The following INSL6 variants were observed in gnomAD, a reference collection of about 807,000 sequenced individuals.
The protein encoded by INSL6 is insulin-like peptide INSL6.
Under a neutral mutation model 9.4 loss-of-function variants are expected in INSL6, and 16 were observed. The observed-to-expected ratio is 1.70, with a 90% confidence interval of 1.15 to 2.59. The LOEUF is 2.59. INSL6 is among the 30% of genes most tolerant of loss of function. INSL6 has a pLI of 0.00. For missense variants in INSL6, 391 were observed against 257.3 expected (o/e 1.52, Z -3.56); for synonymous variants, 154 against 96.9 (o/e 1.59, Z -3.46).
At chr9:5,083,921 A>T in the INSL6 span, among the ~76,000 whole-genome samples, 2 of 152,128 alleles carry the variant, frequency 1.3e-5, no homozygotes, top group African/African-American at 4.8e-5. Flanking sequence ...TATATATACA[A>T]TTCTATATCT....
the INSL6 span, among the ~76,000 whole-genome samples, chr9:5,001,881 T>G: frequency 6.6e-6 from 1 of 152,062 alleles, no homozygotes; most frequent in African/African-American, 2.4e-5. Flanking sequence ...AGGTTTCTGT[T>G]TCTTCCTATG....
At chr9:5,128,551 T>A (rs932509052) in intron 3 of INSL6, among the ~76,000 whole-genome samples, 12 of 151,928 alleles carry the variant, frequency 7.9e-5, no homozygotes, top group African/African-American at 2.9e-4. Flanking sequence ...TAGGTTCTTA[T>A]CAAGGGTCTC....
chr9:5,110,832 C>T, the INSL6 span: 21 of 453,188 alleles, frequency 4.6e-5, no homozygotes, highest in Middle Eastern at 6.8e-4. Context: ...CCCGTTTGTT[C>T]GGGGAAGGTG....
the INSL6 span, chr9:5,098,566 G>A: frequency 5.9e-5 from 9 of 152,092 alleles, no homozygotes; most frequent in African/African-American, 1.9e-4. Flanking sequence ...TTAATTTTAA[G>A]GCCTCTCATC....
chr9:5,111,050 G>C, the INSL6 span: 1 of 1,016,814 alleles, frequency 9.8e-7, no homozygotes, highest in East Asian at 3.0e-5. Context: ...CAATTCAGAG[G>C]TTCAGGTCTT....
At chr9:5,054,971 G>T in the INSL6 span, 6 of 921,534 alleles carry the variant, frequency 6.5e-6, no homozygotes, top group Non-Finnish European at 9.7e-6. This position sits in a 1 kb window ranked among gnomAD's most constrained non-coding sequence, Gnocchi z 4.9. Context: ...TTGCAACATG[G>T]TATTGCACTT....
the INSL6 span, chr9:5,114,798 C>G: frequency 3.4e-6 from 1 of 297,538 alleles, no homozygotes; most frequent in African/African-American, 2.2e-5. Context: ...GTCTGTAAAT[C>G]CCATTAAATG....
At chr9:5,085,808 C>A in the INSL6 span, 2 of 758,320 alleles carry the variant, frequency 2.6e-6, no homozygotes, top group Non-Finnish European at 4.9e-6. Flanking sequence ...CCATTAGTAC[C>A]ACAATAATTG....
chr9:5,041,048 C>T, the INSL6 span: 4 of 682,616 alleles, frequency 5.9e-6, no homozygotes, highest in East Asian at 8.7e-5. Flanking sequence ...AGCAGCTCAG[C>T]GCCATAGAGG....
At chr9:5,093,347 T>A in the INSL6 span, among the ~76,000 whole-genome samples, 2 of 152,162 alleles carry the variant, frequency 1.3e-5, no homozygotes, top group African/African-American at 4.8e-5. Flanking sequence ...TGACATATGT[T>A]CAACGACCAC....
chr9:5,147,341 T>G (rs113926778), intron 2 of INSL6, among the ~76,000 whole-genome samples: 2 of 152,152 alleles, frequency 1.3e-5, no homozygotes, highest in Non-Finnish European at 2.9e-5. Flanking sequence ...TGCAGCTTGC[T>G]GGAGGTGTGG....
chr9:5,097,179 C>G, the INSL6 span: 16 of 152,112 alleles, frequency 1.1e-4, no homozygotes, highest in African/African-American at 3.9e-4. Flanking sequence ...CAAAAAGCCC[C>G]CAGCCATATC....
the INSL6 span, among the ~76,000 whole-genome samples, chr9:5,116,007 G>A: frequency 7.9e-5 from 12 of 151,842 alleles, no homozygotes; most frequent in African/African-American, 2.2e-4. Context: ...GTATACCTAC[G>A]TTAACAAACC....
the INSL6 span, among the ~76,000 whole-genome samples, chr9:5,037,132 A>G: frequency 6.6e-6 from 1 of 152,250 alleles, no homozygotes; most frequent in Non-Finnish European, 1.5e-5. Context: ...GCCATCAGAG[A>G]AATGCAAATC....
chr9:5,067,336 G>C, the INSL6 span, among the ~76,000 whole-genome samples: 1 of 152,132 alleles, frequency 6.6e-6, no homozygotes, highest in East Asian at 1.9e-4. Context: ...TGTTAATACA[G>C]ATCATTTTGG....
the INSL6 span, among the ~76,000 whole-genome samples, chr9:5,095,748 C>A: frequency 6.6e-6 from 1 of 152,158 alleles, no homozygotes; most frequent in Non-Finnish European, 1.5e-5. Context: ...AAACACAATT[C>A]TGCAAAATCT....
chr9:5,050,956 A>G, the INSL6 span: 1 of 795,486 alleles, frequency 1.3e-6, no homozygotes, highest in Non-Finnish European at 2.0e-6. Context: ...CCTTATCTAA[A>G]ATGCTTGGAA....
chr9:5,111,394 G>A, the INSL6 span: 17 of 400,654 alleles, frequency 4.2e-5, no homozygotes, highest in East Asian at 6.2e-5. Context: ...GGACAGAGGC[G>A]GACAGCGGCC....
the INSL6 span, chr9:5,107,832 T>A: frequency 6.6e-6 from 1 of 152,160 alleles, no homozygotes; most frequent in South Asian, 2.1e-4. Flanking sequence ...CTCCTAGTAT[T>A]TGCTGCCTGT....
Sources: allele counts gnomAD v4.1 joint callset (sites outside exome capture counted in the v4.1 genomes callset), GRCh38; gene constraint gnomAD v4.1.1; non-coding constraint Gnocchi (gnomAD v3.1); transcripts MANE v1.5; gene names NCBI Gene and HGNC (gene_info 2026-07-23, HGNC 2026-07-21).